MIR2052HG: variants seen among roughly 807,000 people sequenced by gnomAD.
The protein encoded by MIR2052HG is MIR2052 host gene.
chr8:74,701,324 A>T (rs537471523), intron 2 of MIR2052HG, among the ~76,000 whole-genome samples: 7 of 152,288 alleles, frequency 4.6e-5, no homozygotes, highest in Non-Finnish European at 1.0e-4. Flanking sequence ...GGATATTAGA[A>T]CATTTTTTAA....
At chr8:74,610,683 T>A (rs1382927093) in intron 1 of MIR2052HG, among the ~76,000 whole-genome samples, 2 of 151,982 alleles carry the variant, frequency 1.3e-5, no homozygotes, top group African/African-American at 4.8e-5. Context: ...TACTCACACA[T>A]GTACAGTTAA....
chr8:74,660,444 A>G (rs1284388680), intron 2 of MIR2052HG, among the ~76,000 whole-genome samples: 1 of 152,164 alleles, frequency 6.6e-6, no homozygotes, highest in Non-Finnish European at 1.5e-5. Flanking sequence ...CGCAAGAGAG[A>G]GGTGTGTAAA....
chr8:74,747,539 C>T (rs1008412199), intron 4 of MIR2052HG, among the ~76,000 whole-genome samples: 5 of 152,074 alleles, frequency 3.3e-5, no homozygotes, highest in African/African-American at 1.2e-4. Flanking sequence ...ACCTAAAAAG[C>T]TGCAAGCACA....
chr8:74,614,224 T>C (rs1808243441), intron 2 of MIR2052HG, among the ~76,000 whole-genome samples: 2 of 152,224 alleles, frequency 1.3e-5, no homozygotes, highest in Admixed American at 6.5e-5. Flanking sequence ...CTAGGTTCAG[T>C]ATTTTAAAAA....
At chr8:74,709,600 C>T (rs1474461949) in intron 4 of MIR2052HG, among the ~76,000 whole-genome samples, 1 of 152,070 alleles carries the variant, frequency 6.6e-6, no homozygotes. Context: ...ATCTTGGAAT[C>T]TCTTAGATTT....
At position 74,723,110 on chromosome 8, in the gene MIR2052HG, A is replaced by G. The variant is rs12677250; in HGVS notation, n.371+19428A>G. Among the ~76,000 whole-genome samples, 80 of 152,346 alleles carry G rather than the reference A, an allele frequency of 5.3e-4. No individual in the cohort carries two copies. The East Asian group carries it at 0.015, about 28-fold the overall frequency. ...GGTTTTAGCCAAACTATTTGGGCTC[A>G]TGAAGAAAATGTCTTGCCTGTGTTT... On this transcript the variant is annotated intron_variant and non_coding_transcript_variant, in intron 4 of 6. Transcript: ENST00000523442.
At chr8:74,603,143 A>T in intron 1 of MIR2052HG, 1 of 680,462 alleles carries the variant, frequency 1.5e-6, no homozygotes, top group Non-Finnish European at 2.6e-6. Context: ...TAAGTAAAAA[A>T]TCACGAGTGG....
At chr8:74,653,845 A>G (rs1808776616) in intron 2 of MIR2052HG, among the ~76,000 whole-genome samples, 1 of 152,226 alleles carries the variant, frequency 6.6e-6, no homozygotes, top group Non-Finnish European at 1.5e-5. Flanking sequence ...TACAGTATGA[A>G]TATATACTTT....
In MIR2052HG at chr8:74,727,139, C is replaced by T. The variant is rs1204825249; in HGVS notation, n.371+23457C>T. On this transcript the variant is annotated intron_variant and non_coding_transcript_variant, in intron 4 of 6. Coordinates refer to ENST00000523442, the Ensembl canonical transcript of MIR2052HG. ...GTTTAGAATACAGTATTGTCCCTAT[C>T]CAAATCTTGGACACACACACACACT... is the stretch of plus-strand genomic sequence containing the variant. Among the ~76,000 whole-genome samples the T allele has an allele frequency of 2.0e-5, 3 of 152,310 alleles. No individual in the cohort carries two copies. The East Asian group carries it at 5.8e-4, about 29-fold the overall frequency.
At position 74,713,193 on chromosome 8, in the gene MIR2052HG, G is replaced by A. The variant is rs566897476; in HGVS notation, n.371+9511G>A. On this transcript the variant is annotated intron_variant and non_coding_transcript_variant, in intron 4 of 6. Coordinates refer to ENST00000523442, the Ensembl canonical transcript of MIR2052HG. ...TGTTAATAAGTAACAAAGAAATACA[G>A]CACTATTAAAATGGTGTTATAATTT... Among the ~76,000 whole-genome samples the A allele has an allele frequency of 3.3e-5, 5 of 152,272 alleles. No homozygotes were observed. In the South Asian group the frequency reaches 1.0e-3, roughly 32 times the overall value.
At chr8:74,618,685 A>G (rs148773633) in intron 2 of MIR2052HG, among the ~76,000 whole-genome samples, 52 of 152,368 alleles carry the variant, frequency 3.4e-4, no homozygotes, top group Middle Eastern at 6.8e-3. Flanking sequence ...CACAGATAAT[A>G]TCAACTCAAT....
intron 4 of MIR2052HG, among the ~76,000 whole-genome samples, chr8:74,719,669 A>G (rs1353813606): frequency 1.3e-5 from 2 of 150,884 alleles, no homozygotes; most frequent in African/African-American, 4.9e-5. Flanking sequence ...GTCATCATGG[A>G]AAAAAAAATA....
At chr8:74,640,292 C>T (rs181716071) in intron 2 of MIR2052HG, among the ~76,000 whole-genome samples, 169 of 151,584 alleles carry the variant, frequency 1.1e-3, no homozygotes, top group East Asian at 9.5e-3. Flanking sequence ...ATGGTGAAAC[C>T]CCGTCTCTAC....
intron 4 of MIR2052HG, among the ~76,000 whole-genome samples, chr8:74,719,849 C>CTTTTTTTTTTTTTT (rs10647233): frequency 9.4e-6 from 1 of 106,716 alleles, no homozygotes; most frequent in Non-Finnish European, 1.8e-5. Context: ...TTTCTTTTTT[C>CTTTTTTTTTTTTTT]TTTTTTTTTT....
At chr8:74,712,220 A>T (rs1335423759) in intron 4 of MIR2052HG, among the ~76,000 whole-genome samples, 2 of 152,186 alleles carry the variant, frequency 1.3e-5, no homozygotes. Flanking sequence ...ATTTACATGT[A>T]AACACATGTA....
chr8:74,602,780 G>T (rs1030166936), intron 1 of MIR2052HG, among the ~76,000 whole-genome samples: 3 of 133,558 alleles, frequency 2.2e-5, no homozygotes, highest in Middle Eastern at 4.2e-3. Context: ...CTCCCAAAGT[G>T]CTGGGATTAT....
intron 2 of MIR2052HG, among the ~76,000 whole-genome samples, chr8:74,696,984 CATT>C (rs1175266637): frequency 6.6e-6 from 1 of 151,844 alleles, no homozygotes; most frequent in Non-Finnish European, 1.5e-5. Flanking sequence ...AATGATAAAT[CATT>C]ATCACCGTAA....
At chr8:74,704,347 T>G (rs1390132435) in intron 4 of MIR2052HG, among the ~76,000 whole-genome samples, 3 of 152,056 alleles carry the variant, frequency 2.0e-5, no homozygotes, top group Non-Finnish European at 4.4e-5. Flanking sequence ...GCAATAGTTT[T>G]ATGCTTCTTG....
chr8:74,618,661 G>T (rs1297005136), intron 2 of MIR2052HG, among the ~76,000 whole-genome samples: 1 of 152,152 alleles, frequency 6.6e-6, no homozygotes, highest in African/African-American at 2.4e-5. Flanking sequence ...AATAAAAGTT[G>T]TATATGACAA....
Sources: allele counts gnomAD v4.1 joint callset (sites outside exome capture counted in the v4.1 genomes callset), GRCh38; gene constraint gnomAD v4.1.1; transcripts MANE v1.5; gene names NCBI Gene and HGNC (gene_info 2026-07-23, HGNC 2026-07-21).